Variants in SMOC1 observed in about 807,000 individuals in gnomAD.
SMOC1 encodes SPARC related modular calcium binding 1, also known as SPARC-related modular calcium-binding protein 1.
A neutral mutation model predicts 56.3 loss-of-function variants in SMOC1; 22 were observed. The ratio of observed to expected loss-of-function variants is 0.39; its 90% CI spans 0.28 to 0.56. SMOC1 has a LOEUF of 0.56. Among genes scored for constraint, SMOC1 ranks in the 20% least tolerant of loss-of-function variants. The pLI, the probability that SMOC1 is intolerant of heterozygous loss-of-function variation, is 0.61. For synonymous variants in SMOC1, 193 were observed against 215.0 expected (o/e 0.90, Z 0.89); for missense variants, 509 against 565.4 (o/e 0.90, Z 1.01).
chr14:69,975,957 T>C, intron 4 of SMOC1, 143 bp downstream of exon 4: 1 of 686,388 alleles, frequency 1.5e-6, no homozygotes, highest in South Asian at 1.6e-5. Context: ...TACTCTAACA[T>C]GCTTGCTCGG....
chr14:69,992,537 T>C, intron 6 of SMOC1, 64 bp downstream of exon 6: 1 of 1,190,762 alleles, frequency 8.4e-7, no homozygotes, highest in Non-Finnish European at 1.3e-6. Context: ...GGAAAAGTCT[T>C]AACGTTGGAT....
intron 3 of SMOC1, among the ~76,000 whole-genome samples, chr14:69,959,598 T>G (rs186960131): frequency 6.6e-6 from 1 of 152,300 alleles, no homozygotes; most frequent in East Asian, 1.9e-4. Flanking sequence ...TCCCATTTTC[T>G]AATTCTAACC....
Position 69,977,344 on chromosome 14 carries a change from C to T in SMOC1, c.479-574C>T, listed in dbSNP as rs138921170. 1.2e-3 allele frequency among the ~76,000 whole-genome samples: 188 copies of T among 152,314 alleles called. 2 individuals are homozygous for T. The highest frequency in any genetic ancestry group is 2.1e-3 in the Non-Finnish European group (140 of 68,022). On this transcript the variant is annotated intron_variant, in intron 4 of 11. Transcript: ENST00000361956. ...TGCTTGGGCAAACATACCTGCTACC[C>T]GCTCCTGGAGGAACAGGCTGTGCTT...
chr14:70,001,153 A>C (rs1884954134), intron 7 of SMOC1, among the ~76,000 whole-genome samples: 1 of 152,008 alleles, frequency 6.6e-6, no homozygotes. Flanking sequence ...TGGGAAGTGC[A>C]CCTGATTTTG....
At chr14:70,023,873 G>T (rs902742358) in intron 11 of SMOC1, among the ~76,000 whole-genome samples, 1 of 151,778 alleles carries the variant, frequency 6.6e-6, no homozygotes, top group Non-Finnish European at 1.5e-5. Flanking sequence ...AGGAGTAGGG[G>T]CAGGGATTGC....
chr14:69,924,561 G>A (rs1421699555), intron 1 of SMOC1, among the ~76,000 whole-genome samples: 1 of 151,612 alleles, frequency 6.6e-6, no homozygotes. Context: ...GGCCTGGGTG[G>A]AATCCTACAT....
At chr14:69,925,631 T>C (rs899298919) in intron 1 of SMOC1, among the ~76,000 whole-genome samples, 1 of 152,170 alleles carries the variant, frequency 6.6e-6, no homozygotes, top group African/African-American at 2.4e-5. Flanking sequence ...TCCCTGTGTC[T>C]CCGTCTCCGG....
intron 1 of SMOC1, among the ~76,000 whole-genome samples, chr14:69,883,157 CTCTT>C (rs1883690978): frequency 6.6e-6 from 1 of 152,194 alleles, no homozygotes; most frequent in Non-Finnish European, 1.5e-5. Context: ...TTAACATCCA[CTCTT>C]TGCATTTTTC....
chr14:70,005,200 A>T (rs1885108687), intron 7 of SMOC1, among the ~76,000 whole-genome samples: 1 of 152,258 alleles, frequency 6.6e-6, no homozygotes, highest in Non-Finnish European at 1.5e-5. Flanking sequence ...GAAAAAGATG[A>T]TGAAGAAGAA....
intron 1 of SMOC1, among the ~76,000 whole-genome samples, chr14:69,894,611 G>T (rs909625680): frequency 6.6e-6 from 1 of 152,176 alleles, no homozygotes; most frequent in African/African-American, 2.4e-5. Flanking sequence ...TTTGTGTTGG[G>T]ATCTGTGACA....
intron 1 of SMOC1, among the ~76,000 whole-genome samples, chr14:69,927,685 A>C (rs776922412): frequency 6.6e-6 from 1 of 152,166 alleles, no homozygotes; most frequent in Non-Finnish European, 1.5e-5. Context: ...CAACCACCAC[A>C]ACAAAAAGGT....
intron 1 of SMOC1, among the ~76,000 whole-genome samples, chr14:69,950,121 C>T (rs557942805): frequency 9.2e-5 from 14 of 152,308 alleles, no homozygotes; most frequent in African/African-American, 2.9e-4. Context: ...CCTGTGAGTG[C>T]GTGGGAGCCC....
At chr14:69,945,962 A>G (rs954682380) in intron 1 of SMOC1, among the ~76,000 whole-genome samples, 1 of 152,242 alleles carries the variant, frequency 6.6e-6, no homozygotes, top group African/African-American at 2.4e-5. Flanking sequence ...TGGTTAAGTC[A>G]GCATTATACT....
chr14:69,884,094 G>C (rs1415394287), intron 1 of SMOC1, among the ~76,000 whole-genome samples: 2 of 150,922 alleles, frequency 1.3e-5, no homozygotes, highest in Non-Finnish European at 2.9e-5. Context: ...TTTTAGTAGA[G>C]ACGGGGTTTC....
intron 1 of SMOC1, among the ~76,000 whole-genome samples, chr14:69,940,208 A>G (rs1234182599): frequency 6.6e-6 from 1 of 152,116 alleles, no homozygotes; most frequent in Non-Finnish European, 1.5e-5. Flanking sequence ...AACCCCAGCC[A>G]TCTTCCCCAC....
chr14:70,020,503 G>A (rs747771451), intron 10 of SMOC1, among the ~76,000 whole-genome samples: 19 of 152,170 alleles, frequency 1.2e-4, no homozygotes, highest in African/African-American at 4.6e-4. Flanking sequence ...AGGAAGGAAG[G>A]CAACAGGACC....
chr14:70,004,687 A>T (rs1043001904), intron 7 of SMOC1, among the ~76,000 whole-genome samples: 10 of 150,382 alleles, frequency 6.6e-5, no homozygotes, highest in Admixed American at 2.6e-4. Context: ...TTAAAATATC[A>T]CTCTCTCTCT....
chr14:69,900,361 C>G (rs1884210911), intron 1 of SMOC1, among the ~76,000 whole-genome samples: 1 of 152,190 alleles, frequency 6.6e-6, no homozygotes, highest in Non-Finnish European at 1.5e-5. Flanking sequence ...ACACGTTCTA[C>G]AAAAATTTAT....
chr14:69,924,636 A>G (rs879652495), intron 1 of SMOC1, among the ~76,000 whole-genome samples: 5 of 148,562 alleles, frequency 3.4e-5, no homozygotes, highest in Non-Finnish European at 7.4e-5. Context: ...GGGGAGGTAG[A>G]GGAGTTAGGG....
Sources: gnomAD v4.1 joint callset for allele counts (sites outside exome capture counted in the v4.1 genomes callset) on GRCh38, gnomAD v4.1.1 for gene constraint, MANE v1.5 for transcripts, NCBI Gene and HGNC (gene_info 2026-07-23, HGNC 2026-07-21) for gene names.